The following GALNT7 variants were observed in gnomAD, a reference collection of about 807,000 sequenced individuals.
GALNT7 encodes the protein polypeptide N-acetylgalactosaminyltransferase 7, also known as N-acetylgalactosaminyltransferase 7.
GALNT7 carries 60 observed loss-of-function variants against 82.1 expected under a neutral mutation model. That is an observed-to-expected ratio of 0.73 (90% CI 0.59 to 0.91). The LOEUF (loss-of-function observed/expected upper bound fraction) is 0.91. Ranked by LOEUF, GALNT7 falls within the 40% of genes least tolerant of loss-of-function variation. The probability of loss-of-function intolerance (pLI) is 0.00; values close to 1 mark genes in which losing one functional copy is unlikely to be tolerated. For missense variants in GALNT7, 660 were observed against 804.2 expected, an observed-to-expected ratio of 0.82 and a Z score of 2.17; for synonymous variants, 243 against 275.1, an observed-to-expected ratio of 0.88 and a Z score of 1.15.
chr4:173,187,062 C>CT (rs1487291845), intron 1 of GALNT7, among the ~76,000 whole-genome samples: 1 of 152,086 alleles, frequency 6.6e-6, no homozygotes, highest in Non-Finnish European at 1.5e-5. Context: ...GGCCTACTTA[C>CT]TTTTAAAATA....
intron 1 of GALNT7, among the ~76,000 whole-genome samples, chr4:173,203,737 T>C (rs536520879): frequency 6.6e-6 from 1 of 152,356 alleles, no homozygotes; most frequent in Admixed American, 6.5e-5. Flanking sequence ...AACTACACTT[T>C]TGCTCTACTT....
chr4:173,266,869 GT>G (rs766522019), intron 2 of GALNT7, among the ~76,000 whole-genome samples: 3,916 of 22,640 alleles, frequency 0.17, 96 homozygotes, highest in Middle Eastern at 0.23. Context: ...GCTGGGAAGG[GT>G]GTGTGTGTGT....
At chr4:173,204,151 T>C (rs1182547045) in intron 1 of GALNT7, among the ~76,000 whole-genome samples, 1 of 152,214 alleles carries the variant, frequency 6.6e-6, no homozygotes, top group Non-Finnish European at 1.5e-5. Context: ...TCTGAATGTA[T>C]CATCTCACTC....
intron 1 of GALNT7, among the ~76,000 whole-genome samples, chr4:173,238,041 G>A (rs1734293713): frequency 6.6e-6 from 1 of 152,112 alleles, no homozygotes; most frequent in South Asian, 2.1e-4. Flanking sequence ...GGTCTGTTTA[G>A]CAGGGTTAAT....
At position 173,323,867 on chromosome 4, in the gene GALNT7, T is replaced by C. The variant is rs373139334; in HGVS notation, c.*2150T>C. On this transcript the variant is annotated 3_prime_UTR_variant, in exon 12 of 12. Coordinates refer to ENST00000265000, the MANE Select transcript of GALNT7 (RefSeq NM_017423.3). Reference sequence around the variant, plus strand: ...TGTTTCTGTAGAAATTGTATAAATATTCAAAATTTTATTAGGATAAATTTG... The same window carrying C: ...TGTTTCTGTAGAAATTGTATAAATACTCAAAATTTTATTAGGATAAATTTG... 1 of 152,632 alleles carries C rather than the reference T, an allele frequency of 6.6e-6. No individual in the cohort carries two copies. The highest frequency in any genetic ancestry group is 2.4e-5 in the African/African-American group (1 of 41,474). The allele number at this position is 152,632 out of a possible 1,614,324, so 9.5% of individuals were successfully genotyped here. A position where few individuals can be genotyped will look rare whatever the true frequency, so the allele number is the denominator to read the frequency against.
In GALNT7 at chr4:173,298,343, CT is replaced by C. The variant is rs752221473; in HGVS notation, c.1148+47del. The C allele has an allele frequency of 2.1e-5, 27 of 1,300,450 alleles. No individual in the cohort carries two copies. The Admixed American group carries it at 2.7e-4, about 13-fold the overall frequency. 80.6% of individuals were successfully genotyped at this position (1,300,450 alleles called of 1,614,324 possible). A position where few individuals can be genotyped will look rare whatever the true frequency, so the allele number is the denominator to read the frequency against. The stretch of plus-strand genomic sequence containing the variant: ...ATATTTTTCTTTTCTCCAGTTGCTG[CT>C]AACCTATTAACCTCTTGCCAAGCTA... On this transcript the variant is annotated intron_variant, in intron 6 of 11. Transcript: ENST00000265000.
At chr4:173,183,806 G>A (rs1284329107) in intron 1 of GALNT7, among the ~76,000 whole-genome samples, 4 of 151,384 alleles carry the variant, frequency 2.6e-5, no homozygotes, top group African/African-American at 9.7e-5. Context: ...CTGACGGCGC[G>A]GCTGGCCGGG....
chr4:173,176,925 G>A (rs767881537), intron 1 of GALNT7, among the ~76,000 whole-genome samples: 11 of 152,164 alleles, frequency 7.2e-5, no homozygotes, highest in Non-Finnish European at 7.3e-5. Context: ...AATTATGTCC[G>A]AAGGATATAA....
intron 1 of GALNT7, among the ~76,000 whole-genome samples, chr4:173,191,284 G>C (rs1365075335): frequency 6.6e-6 from 1 of 152,080 alleles, no homozygotes; most frequent in Non-Finnish European, 1.5e-5. Flanking sequence ...TAATGGGGCT[G>C]GTTTGGGGAG....
rs35300617 is a variant in GALNT7, at chr4:173,182,738, TACACACACAC to T, written c.126+13795_126+13804del. On this transcript the variant is annotated intron_variant, in intron 1 of 11. Coordinates refer to ENST00000265000, the MANE Select transcript of GALNT7 (RefSeq NM_017423.3). ...GATGAGGCTAGCAGGTTACTCTTAA[TACACACACAC>T]ACACACACACACACACAGACACAAC... 5.2e-5 allele frequency among the ~76,000 whole-genome samples: 6 copies of T among 115,790 alleles called. No homozygotes were observed. The South Asian group carries it at 1.5e-3, about 29-fold the overall frequency. 76.0% of individuals were successfully genotyped at this position (115,790 alleles called of 152,430 possible).
intron 2 of GALNT7, among the ~76,000 whole-genome samples, chr4:173,264,616 C>T (rs1735411573): frequency 6.6e-6 from 1 of 152,182 alleles, no homozygotes; most frequent in Non-Finnish European, 1.5e-5. Flanking sequence ...TGCTTTTGTT[C>T]TTGGCACCTT....
chr4:173,243,570 G>A (rs1472420362), intron 1 of GALNT7, among the ~76,000 whole-genome samples: 1 of 152,048 alleles, frequency 6.6e-6, no homozygotes, highest in African/African-American at 2.4e-5. Context: ...CCTCCTCAGG[G>A]GAGTAAAGTA....
intron 1 of GALNT7, among the ~76,000 whole-genome samples, chr4:173,238,238 A>AT (rs1467461987): frequency 6.6e-6 from 1 of 151,548 alleles, no homozygotes; most frequent in Non-Finnish European, 1.5e-5. Flanking sequence ...TACCTTTCTT[A>AT]TTTTTAGACA....
rs576053437 is a variant in GALNT7, at chr4:173,262,167, A to T, written c.587+13727A>T. On this transcript the variant is annotated intron_variant, in intron 2 of 11. Coordinates refer to ENST00000265000, the MANE Select transcript of GALNT7 (RefSeq NM_017423.3). ...GGCCTCACTCAGATATGTAATTGCA[A>T]AAGGGGGGAGCATTTTAATAGCTTT... 5.4e-4 allele frequency among the ~76,000 whole-genome samples: 82 copies of T among 152,250 alleles called. 1 individual carries two copies. The highest frequency in any genetic ancestry group is 1.5e-3 in the African/African-American group (64 of 41,552).
chr4:173,184,535 C>T (rs892505126), intron 1 of GALNT7, among the ~76,000 whole-genome samples: 1 of 147,038 alleles, frequency 6.8e-6, no homozygotes, highest in Non-Finnish European at 1.5e-5. Context: ...TGCAGTGGGT[C>T]GAGATGGCGG....
intron 3 of GALNT7, among the ~76,000 whole-genome samples, chr4:173,295,170 G>A (rs1736675202): frequency 6.6e-6 from 1 of 152,192 alleles, no homozygotes; most frequent in African/African-American, 2.4e-5. Context: ...TCATTGTTTA[G>A]AAGGGTGTTT....
intron 2 of GALNT7, among the ~76,000 whole-genome samples, chr4:173,261,252 T>C (rs1735246565): frequency 6.6e-6 from 1 of 152,148 alleles, no homozygotes; most frequent in Non-Finnish European, 1.5e-5. Flanking sequence ...GACACACCCA[T>C]ACTCATTCAC....
intron 2 of GALNT7, among the ~76,000 whole-genome samples, chr4:173,274,989 TA>T (rs1268464399): frequency 6.6e-6 from 1 of 152,198 alleles, no homozygotes; most frequent in Non-Finnish European, 1.5e-5. Flanking sequence ...CTGACGCCTC[TA>T]ATGTCCTCAC....
At chr4:173,224,870 C>T (rs1733764912) in intron 1 of GALNT7, among the ~76,000 whole-genome samples, 1 of 151,688 alleles carries the variant, frequency 6.6e-6, no homozygotes, top group South Asian at 2.1e-4. Context: ...AAAAAATTAG[C>T]CAGGCGTGGT....
Sources: allele counts gnomAD v4.1 joint callset (sites outside exome capture counted in the v4.1 genomes callset), GRCh38; gene constraint gnomAD v4.1.1; transcripts MANE v1.5; gene names NCBI Gene and HGNC (gene_info 2026-07-23, HGNC 2026-07-21).